The following NUP205 variants were observed in gnomAD, a reference collection of about 807,000 sequenced individuals.
NUP205 encodes the protein nuclear pore complex protein Nup205.
NUP205 carries 76 observed loss-of-function variants against 253.8 expected under a neutral mutation model. The observed-to-expected ratio is 0.30, with a 90% confidence interval of 0.25 to 0.36. The LOEUF (loss-of-function observed/expected upper bound fraction) is 0.36, where lower values mean the gene tolerates loss of function less well. NUP205 is among the 10% of genes least tolerant of loss of function. NUP205 has a pLI of 1.00. For missense variants in NUP205, 2,162 were observed against 2,425.5 expected (o/e 0.89, Z 2.28); for synonymous variants, 832 against 850.1 (o/e 0.98, Z 0.37).
chr7:135,573,662 T>C lies in NUP205; in HGVS notation c.180T>C (p.Asn60=). The part of the protein sequence containing the change: ...FISLFKNPPK[N]VQQHEKVQKA... ...CAATTTTATCATTGTAGCCAAAAAA[T>C]GTTCAACAGCATGAGAAGGTTCAGA... The change falls in exon 3 of 43, where the codon AAT becomes AAC. Residue 60 remains asparagine (N), a synonymous_variant. Transcript: ENST00000285968. 1.2e-6 allele frequency: 2 copies of C among 1,601,944 alleles called. No individual in the cohort carries two copies. The highest frequency in any genetic ancestry group is 1.1e-5 in the South Asian group (1 of 87,984).
intron 10 of NUP205, among the ~76,000 whole-genome samples, chr7:135,590,022 T>C (rs1203400024): frequency 1.3e-5 from 2 of 151,338 alleles, no homozygotes; most frequent in South Asian, 2.1e-4. Context: ...GAGGGAATTA[T>C]TATAAGGAAT....
intron 7 of NUP205, 64 bp from the exon 8 acceptor site, chr7:135,584,768 A>G: frequency 7.3e-7 from 1 of 1,374,884 alleles, no homozygotes; most frequent in Non-Finnish European, 1.0e-6. Context: ...GTATTATGAG[A>G]TATAATTACA....
chr7:135,606,298 T>G (rs912335936), intron 20 of NUP205, 72 bp downstream of exon 20: 1 of 992,504 alleles, frequency 1.0e-6, no homozygotes, highest in African/African-American at 1.6e-5. Context: ...AGAAAACACT[T>G]GTAATTGTTA....
At chr7:135,611,840 C>T (rs960960743) in intron 22 of NUP205, among the ~76,000 whole-genome samples, 3 of 152,076 alleles carry the variant, frequency 2.0e-5, no homozygotes, top group African/African-American at 7.2e-5. Context: ...TCCAGGCGGG[C>T]ACTGTGGGTC....
chr7:135,605,903 A>G (rs1794076829), intron 19 of NUP205, among the ~76,000 whole-genome samples: 1 of 151,800 alleles, frequency 6.6e-6, no homozygotes, highest in Admixed American at 6.6e-5. Context: ...GAAAATTAGG[A>G]AGCAAGTTTT....
intron 22 of NUP205, 36 bp downstream of exon 22, chr7:135,607,407 A>T: frequency 6.2e-7 from 1 of 1,604,686 alleles, no homozygotes; most frequent in Non-Finnish European, 8.5e-7. Flanking sequence ...TACTGAATAG[A>T]AGAAACTTGA....
rs750849997 is a variant in NUP205 at position 135,630,350 on chromosome 7, C to G, written c.4939C>G (p.Gln1647Glu). The G allele has an allele frequency of 2.1e-5, 34 of 1,584,712 alleles. No homozygotes were observed. The highest frequency in any genetic ancestry group is 1.7e-6 in the Non-Finnish European group (2 of 1,167,586). Residue 1647 changes from glutamine (Q) to glutamate (E), a missense_variant, in exon 35 of 43, where the codon CAG becomes GAG. Physicochemically the swap from Gln to Glu is conservative, Grantham distance 29. Transcript: ENST00000285968. ...TTCCTTTTCAATGGCTTAGGTATTG[C>G]AGTTTCTTATTTCACATTCTGATAC... ...QHLQAAGQVL[Q>E]FLISHSDTIQ...
intron 11 of NUP205, 76 bp from the exon 12 acceptor site, chr7:135,592,911 A>C: frequency 9.0e-7 from 1 of 1,106,054 alleles, no homozygotes. Context: ...TATTGTTTTA[A>C]ATTAATTTTC....
At chr7:135,567,120 CTATGTGTGTA>C (rs1458570500) in intron 1 of NUP205, among the ~76,000 whole-genome samples, 912 of 53,702 alleles carry the variant, frequency 0.017, 165 homozygotes, top group South Asian at 0.024. Flanking sequence ...CTTGCTCAGT[CTATGTGTGTA>C]TATATATATA....
intron 22 of NUP205, among the ~76,000 whole-genome samples, chr7:135,612,579 A>G (rs538263982): frequency 3.1e-4 from 47 of 152,340 alleles, no homozygotes; most frequent in African/African-American, 1.0e-3. Flanking sequence ...TAGACCATTT[A>G]AAGAACCCTT....
chr7:135,579,989 A>G (rs11772708), intron 7 of NUP205, among the ~76,000 whole-genome samples: 27,136 of 152,128 alleles, frequency 0.18, 3,075 homozygotes, highest in East Asian at 0.44. Context: ...TGTAGCATAT[A>G]TTATTCTGCT....
At chr7:135,595,496 T>A (rs1288341002) in intron 13 of NUP205, among the ~76,000 whole-genome samples, 2 of 152,278 alleles carry the variant, frequency 1.3e-5, no homozygotes, top group African/African-American at 4.8e-5. Flanking sequence ...AGTGCTGGGA[T>A]GACAGGTGTG....
chr7:135,580,915 T>G (rs1309848483), intron 7 of NUP205, among the ~76,000 whole-genome samples: 1 of 152,146 alleles, frequency 6.6e-6, no homozygotes, highest in Non-Finnish European at 1.5e-5. Context: ...TGCTGTAGAA[T>G]AATAGTAAAA....
intron 7 of NUP205, among the ~76,000 whole-genome samples, chr7:135,583,844 CTT>C (rs756603941): frequency 0.025 from 3,526 of 138,876 alleles, 57 homozygotes; most frequent in South Asian, 0.078. Context: ...TTCTTTCTTT[CTT>C]TTTTTTTTTT....
chr7:135,569,943 A>G (rs1409509285), intron 1 of NUP205, among the ~76,000 whole-genome samples: 1 of 151,502 alleles, frequency 6.6e-6, no homozygotes, highest in African/African-American at 2.4e-5. Flanking sequence ...AGTGCCTATG[A>G]TATGAAAGGC....
intron 38 of NUP205, among the ~76,000 whole-genome samples, chr7:135,641,485 A>G (rs1049464655): frequency 2.0e-5 from 3 of 152,134 alleles, no homozygotes; most frequent in Admixed American, 6.6e-5. Context: ...GATGTATGAG[A>G]TTGGCCAGGT....
chr7:135,595,481 C>T (rs1385792286), intron 13 of NUP205, among the ~76,000 whole-genome samples: 6 of 152,150 alleles, frequency 3.9e-5, no homozygotes, highest in Non-Finnish European at 2.9e-5. Flanking sequence ...GCCTCGGCCT[C>T]CCAAAGTGCT....
chr7:135,629,529 CTTT>C (rs767221141), intron 34 of NUP205, among the ~76,000 whole-genome samples: 18 of 127,506 alleles, frequency 1.4e-4, no homozygotes, highest in Admixed American at 3.2e-4. Flanking sequence ...CTCTGTCTCT[CTTT>C]TTTTTTTTTT....
At chr7:135,645,378 T>C in intron 40 of NUP205, 90 bp from the exon 41 acceptor site, 2 of 1,318,820 alleles carry the variant, frequency 1.5e-6, no homozygotes, top group South Asian at 2.6e-5. Context: ...ATTAAGTGAG[T>C]GCAGTCTGTC....
Sources: allele counts gnomAD v4.1 joint callset (sites outside exome capture counted in the v4.1 genomes callset), GRCh38; gene constraint gnomAD v4.1.1; transcripts MANE v1.5; gene names NCBI Gene and HGNC (gene_info 2026-07-23, HGNC 2026-07-21).